The following MACROD2 variants were observed in gnomAD, a reference collection of about 807,000 sequenced individuals.
MACROD2 encodes the protein ADP-ribose glycohydrolase MACROD2.
A neutral mutation model predicts 70.4 loss-of-function variants in MACROD2; 36 were observed. The ratio of observed to expected loss-of-function variants is 0.51; its 90% CI spans 0.39 to 0.68. MACROD2 has a LOEUF of 0.68. Ranked by LOEUF, MACROD2 falls within the 30% of genes least tolerant of loss-of-function variation. The pLI is 0.00. For synonymous variants in MACROD2, 172 were observed against 178.8 expected (o/e 0.96, Z 0.30); for missense variants, 496 against 538.4 (o/e 0.92, Z 0.78).
intron 5 of MACROD2, among the ~76,000 whole-genome samples, chr20:15,112,666 T>C (rs530098722): frequency 3.9e-5 from 6 of 152,316 alleles, no homozygotes; most frequent in Non-Finnish European, 8.8e-5. Flanking sequence ...TCCCATTTTA[T>C]TCAATTTTAA....
At chr20:15,292,795 T>G (rs904487275) in intron 6 of MACROD2, among the ~76,000 whole-genome samples, 3 of 152,252 alleles carry the variant, frequency 2.0e-5, no homozygotes. Context: ...ATATAATGAC[T>G]GTTTTTTCTT....
chr20:15,377,616 T>A (rs142892839), intron 6 of MACROD2, among the ~76,000 whole-genome samples: 3 of 152,326 alleles, frequency 2.0e-5, no homozygotes, highest in Non-Finnish European at 4.4e-5. Context: ...TGTTTCCAGA[T>A]TGGGAATATT....
At chr20:14,069,452 T>C (rs540382051) in intron 2 of MACROD2, among the ~76,000 whole-genome samples, 2 of 151,938 alleles carry the variant, frequency 1.3e-5, no homozygotes, top group East Asian at 1.9e-4. Context: ...TATATTTGTA[T>C]ATATTTATAC....
chr20:14,556,465 TAAAG>T (rs1367335104), intron 4 of MACROD2, among the ~76,000 whole-genome samples: 8 of 152,042 alleles, frequency 5.3e-5, no homozygotes, highest in Non-Finnish European at 1.5e-5. Context: ...AAAGTACAGA[TAAAG>T]AAGCTCCAAG....
rs542986311 is a variant in MACROD2 at position 15,978,901 on chromosome 20, G to T, written c.986-7826G>T. Among the ~76,000 whole-genome samples, 186 of 152,252 alleles carry T rather than the reference G, an allele frequency of 1.2e-3. 1 individual carries two copies. Among genetic ancestry groups the T allele is most frequent in the African/African-American group, 4.2e-3 (174 of 41,548 alleles). ...TCATTAAACGTCAGGAGTGATGGAA[G>T]AAAATAATCAAAAACAGCTTGAGGT... On this transcript the variant is annotated intron_variant, in intron 13 of 17. Transcript: ENST00000684519.
chr20:14,286,866 T>C (rs1435048173), intron 3 of MACROD2, among the ~76,000 whole-genome samples: 1 of 152,186 alleles, frequency 6.6e-6, no homozygotes, highest in Non-Finnish European at 1.5e-5. Flanking sequence ...TCAGATTGGC[T>C]CAGCTAGGTG....
intron 5 of MACROD2, among the ~76,000 whole-genome samples, chr20:14,706,312 TAA>T (rs11477206): frequency 1.2e-3 from 161 of 139,844 alleles, no homozygotes; most frequent in East Asian, 0.01. Flanking sequence ...GATTCTATAT[TAA>T]AAAAAAAAAA....
chr20:15,348,618 C>G (rs1354783713), intron 6 of MACROD2, among the ~76,000 whole-genome samples: 1 of 152,106 alleles, frequency 6.6e-6, no homozygotes, highest in African/African-American at 2.4e-5. Context: ...CTGGGGAGGC[C>G]TCACAATCAT....
chr20:14,892,157 A>G (rs2073769158), intron 5 of MACROD2, among the ~76,000 whole-genome samples: 1 of 152,128 alleles, frequency 6.6e-6, no homozygotes, highest in African/African-American at 2.4e-5. Flanking sequence ...TGCATATTCA[A>G]TAGTTATTTC....
intron 7 of MACROD2, among the ~76,000 whole-genome samples, chr20:15,456,500 C>T (rs2046728520): frequency 6.6e-6 from 1 of 152,170 alleles, no homozygotes. Context: ...TGCACCTGCA[C>T]ACAAGCTCCC....
At chr20:14,163,521 A>G (rs1477844001) in intron 3 of MACROD2, among the ~76,000 whole-genome samples, 1 of 152,004 alleles carries the variant, frequency 6.6e-6, no homozygotes, top group African/African-American at 2.4e-5. Flanking sequence ...CTTTTTATCT[A>G]TTATTTCACT....
chr20:14,237,368 T>C (rs972698425), intron 3 of MACROD2, among the ~76,000 whole-genome samples: 13 of 152,000 alleles, frequency 8.6e-5, no homozygotes, highest in Non-Finnish European at 1.9e-4. Context: ...ATTCTCTTTT[T>C]TTCCTCACTT....
chr20:15,020,130 A>G (rs1211273048), intron 5 of MACROD2, among the ~76,000 whole-genome samples: 2 of 152,126 alleles, frequency 1.3e-5, no homozygotes, highest in African/African-American at 4.8e-5. Context: ...CCTGCAGGCT[A>G]TAGTTTGCCT....
chr20:14,252,189 G>A (rs1232286680), intron 3 of MACROD2, among the ~76,000 whole-genome samples: 3 of 151,976 alleles, frequency 2.0e-5, no homozygotes, highest in Non-Finnish European at 4.4e-5. Context: ...AATTACCAGA[G>A]GCAGGAGAAA....
chr20:14,151,316 T>G (rs1312633485), intron 3 of MACROD2, among the ~76,000 whole-genome samples: 1 of 152,024 alleles, frequency 6.6e-6, no homozygotes, highest in Non-Finnish European at 1.5e-5. Flanking sequence ...AACCTTAGCT[T>G]GAGGGTGACA....
chr20:14,976,641 C>A (rs1004800767), intron 5 of MACROD2, among the ~76,000 whole-genome samples: 1 of 152,098 alleles, frequency 6.6e-6, no homozygotes, highest in Non-Finnish European at 1.5e-5. Context: ...TAGCCTACCT[C>A]GGTTGGTTTC....
chr20:15,081,198 TAAATGA>T (rs1257033822), intron 5 of MACROD2, among the ~76,000 whole-genome samples: 1 of 152,126 alleles, frequency 6.6e-6, no homozygotes, highest in Non-Finnish European at 1.5e-5. Flanking sequence ...ATAAAAAAAT[TAAATGA>T]AATTCAAATT....
At chr20:14,217,755 G>A (rs924888192) in intron 3 of MACROD2, among the ~76,000 whole-genome samples, 7 of 152,164 alleles carry the variant, frequency 4.6e-5, no homozygotes, top group African/African-American at 1.7e-4. Context: ...ATTTTTCCAG[G>A]AACTTATCTG....
At chr20:14,095,073 C>T (rs1025419348) in intron 3 of MACROD2, among the ~76,000 whole-genome samples, 31 of 152,120 alleles carry the variant, frequency 2.0e-4, no homozygotes, top group Admixed American at 1.4e-3. Flanking sequence ...CTACTGGAAG[C>T]GTGGATTCCC....
Sources: gnomAD v4.1 joint callset for allele counts (sites outside exome capture counted in the v4.1 genomes callset) on GRCh38, gnomAD v4.1.1 for gene constraint, MANE v1.5 for transcripts, NCBI Gene and HGNC (gene_info 2026-07-23, HGNC 2026-07-21) for gene names.